Variants in DYNC2I1 observed in about 807,000 individuals in gnomAD.
The protein encoded by DYNC2I1 is dynein 2 intermediate chain 1, also known as cytoplasmic dynein 2 intermediate chain 1.
In DYNC2I1, 89 loss-of-function variants were observed where a neutral mutation model predicts 133.4. That is an observed-to-expected ratio of 0.67 (90% confidence interval 0.56 to 0.80). The LOEUF (loss-of-function observed/expected upper bound fraction) is 0.80, where lower values mean the gene tolerates loss of function less well. DYNC2I1 is among the 30% of genes least tolerant of loss of function. The probability of loss-of-function intolerance (pLI) is 0.00; values close to 1 mark genes in which losing one functional copy is unlikely to be tolerated. For synonymous variants in DYNC2I1, 504 were observed against 484.3 expected (o/e 1.04, Z -0.54); for missense variants, 1,291 against 1,314.5 (o/e 0.98, Z 0.28).
chr7:158,881,809 A>G (rs968751237), intron 5 of DYNC2I1, among the ~76,000 whole-genome samples: 4 of 152,044 alleles, frequency 2.6e-5, no homozygotes, highest in African/African-American at 4.8e-5. Context: ...TTTTCTCCCA[A>G]CGTTGTGTTA....
At chr7:158,953,739 GTGTA>G (rs1159611391) in intron 4 of DYNC2I1, among the ~76,000 whole-genome samples, 1 of 152,082 alleles carries the variant, frequency 6.6e-6, no homozygotes, top group Non-Finnish European at 1.5e-5. Flanking sequence ...TTACATGTGT[GTGTA>G]TGTTACATAT....
At position 158,906,047 on chromosome 7, in the gene DYNC2I1, A is replaced by G. The variant is rs1425014206; in HGVS notation, c.1416A>G (p.Ser472=). The change falls in exon 11 of 25, where the codon TCA becomes TCG. Residue 472 remains serine (S), a synonymous_variant. Transcript: ENST00000407559. ...SVCGIFVDFA[S]ASHRQKSRTQ... The stretch of plus-strand genomic sequence containing the variant: ...GTGGAATTTTTGTGGATTTTGCCTC[A>G]GCTTCACACCGTCAAAAGAGTCGGA... The G allele has an allele frequency of 6.2e-7, 1 of 1,613,692 alleles. No homozygotes were observed. Among genetic ancestry groups the G allele is most frequent in the Non-Finnish European group, 8.5e-7 (1 of 1,179,808 alleles).
intron 2 of DYNC2I1, among the ~76,000 whole-genome samples, chr7:158,870,440 A>G (rs1488755144): frequency 6.6e-6 from 1 of 151,898 alleles, no homozygotes; most frequent in African/African-American, 2.4e-5. Flanking sequence ...TGCAGCCTTG[A>G]CCTTCTGGGC....
chr7:158,941,747 G>A (rs779723188), intron 23 of DYNC2I1, among the ~76,000 whole-genome samples, 178 bp from the exon 24 acceptor site: 5 of 152,168 alleles, frequency 3.3e-5, no homozygotes, highest in Non-Finnish European at 7.3e-5. Flanking sequence ...GTGTAGTGGT[G>A]CCTGCGTGTA....
the DYNC2I1 span, among the ~76,000 whole-genome samples, chr7:158,848,839 G>A: frequency 7.2e-5 from 11 of 152,160 alleles, no homozygotes; most frequent in African/African-American, 2.6e-4. Context: ...CAGGAGAATG[G>A]CGTGAATCGC....
intron 14 of DYNC2I1, among the ~76,000 whole-genome samples, chr7:158,917,759 G>A (rs1182492179): frequency 6.6e-6 from 1 of 150,516 alleles, no homozygotes; most frequent in South Asian, 2.1e-4. Context: ...TTTCTTGCCC[G>A]TTCCCATCCT....
intron 21 of DYNC2I1, among the ~76,000 whole-genome samples, 175 bp downstream of exon 21, chr7:158,930,690 C>T (rs899716953): frequency 5.9e-5 from 9 of 152,002 alleles, no homozygotes; most frequent in South Asian, 2.1e-4. Flanking sequence ...TTTTTTGAGA[C>T]GGAGTTTCAC....
At chr7:158,864,127 G>A (rs1355299124) in intron 1 of DYNC2I1, among the ~76,000 whole-genome samples, 1 of 150,698 alleles carries the variant, frequency 6.6e-6, no homozygotes, top group South Asian at 2.1e-4. Context: ...GTGTGGGGGG[G>A]GGAGCAGACG....
upstream of DYNC2I1, among the ~76,000 whole-genome samples, chr7:158,852,662 C>T (rs1183046404): frequency 6.6e-6 from 1 of 152,066 alleles, no homozygotes; most frequent in East Asian, 2.0e-4. Flanking sequence ...TTGCTTGAAC[C>T]CTGGAGGCGG....
chr7:158,945,404 C>T lies in DYNC2I1; in HGVS notation c.3003-177C>T, dbSNP rs183577901. ...TTCCATCTGGCAGGCCTCTGACATG[C>T]GGAAATGCATTTTCACACATTTATT... On this transcript the variant is annotated intron_variant, in intron 24 of 24. Transcript: ENST00000407559. The surrounding 1 kb of genome is among the most constrained non-coding windows in gnomAD (Gnocchi z 4.1). Among the ~76,000 whole-genome samples the T allele has an allele frequency of 6.6e-6, 1 of 152,322 alleles. No individual in the cohort carries two copies. Among genetic ancestry groups the T allele is most frequent in the South Asian group, 2.1e-4 (1 of 4,828 alleles).
At position 158,902,679 on chromosome 7, in the gene DYNC2I1, C is replaced by G. The variant is rs936103319; in HGVS notation, c.1357+84C>G. 1.4e-4 allele frequency: 175 copies of G among 1,261,110 alleles called. No homozygotes were observed. The Middle Eastern group carries it at 1.5e-3, about 11-fold the overall frequency. 78.1% of individuals were successfully genotyped at this position (1,261,110 alleles called of 1,614,324 possible). ...CTCACAGATGCTGTCACACACAGGCCTACTCTAATAAGGTGGGTGGAGCAG... is the reference window on the plus strand; with the variant it reads ...CTCACAGATGCTGTCACACACAGGCGTACTCTAATAAGGTGGGTGGAGCAG... On this transcript the variant is annotated intron_variant, in intron 10 of 24. Transcript: ENST00000407559.
intron 1 of DYNC2I1, among the ~76,000 whole-genome samples, chr7:158,864,657 A>G (rs1842241320): frequency 1.3e-5 from 2 of 151,028 alleles, no homozygotes; most frequent in African/African-American, 4.9e-5. Flanking sequence ...CTGCGGTTGA[A>G]TCACCATGCT....
chr7:158,951,319 G>T (rs1165909056), intron 4 of DYNC2I1, among the ~76,000 whole-genome samples: 2 of 152,240 alleles, frequency 1.3e-5, no homozygotes, highest in Non-Finnish European at 2.9e-5. Flanking sequence ...CAGGGACCCT[G>T]CCCCCATCAT....
chr7:158,851,158 C>A, the DYNC2I1 span, among the ~76,000 whole-genome samples: 1 of 152,064 alleles, frequency 6.6e-6, no homozygotes, highest in African/African-American at 2.4e-5. Context: ...TATAGTTATT[C>A]ACATACATTT....
intron 8 of DYNC2I1, among the ~76,000 whole-genome samples, chr7:158,895,252 C>T (rs1174332742): frequency 6.6e-6 from 1 of 152,284 alleles, no homozygotes; most frequent in African/African-American, 2.4e-5. Context: ...TTGTCCTGTG[C>T]TATTTCCTAA....
At chr7:158,942,225 A>G (rs915582481) in intron 24 of DYNC2I1, 77 bp downstream of exon 24, 12 of 1,197,194 alleles carry the variant, frequency 1.0e-5, no homozygotes, top group Non-Finnish European at 1.4e-5. Context: ...GTCTTTCTTC[A>G]TTAATTTTTG....
intron 12 of DYNC2I1, among the ~76,000 whole-genome samples, chr7:158,912,449 T>A (rs1847578976): frequency 6.6e-6 from 1 of 152,148 alleles, no homozygotes; most frequent in African/African-American, 2.4e-5. Flanking sequence ...TTTTACAATT[T>A]TTAAATTTTT....
intron 7 of DYNC2I1, 80 bp from the exon 8 acceptor site, chr7:158,891,185 G>C: frequency 2.0e-6 from 3 of 1,510,956 alleles, no homozygotes; most frequent in Non-Finnish European, 2.8e-6. Flanking sequence ...CCGCAGTGGT[G>C]GGGTGGGGGG....
the DYNC2I1 span, among the ~76,000 whole-genome samples, chr7:158,845,496 C>T: frequency 2.0e-5 from 3 of 151,936 alleles, no homozygotes; most frequent in Non-Finnish European, 2.9e-5. Context: ...CAAAATTTGC[C>T]GTAAGGGTTA....
Sources: gnomAD v4.1 joint callset for allele counts (sites outside exome capture counted in the v4.1 genomes callset) on GRCh38, gnomAD v4.1.1 for gene constraint, Gnocchi (gnomAD v3.1) non-coding constraint, MANE v1.5 for transcripts, NCBI Gene and HGNC (gene_info 2026-07-23, HGNC 2026-07-21) for gene names.